The following ENTREP2 variants were observed in gnomAD, a reference collection of about 807,000 sequenced individuals.
ENTREP2 encodes the protein protein ENTREP2.
At chr15:29,571,256 G>A in the ENTREP2 span, among the ~76,000 whole-genome samples, 2 of 152,158 alleles carry the variant, frequency 1.3e-5, no homozygotes, top group Non-Finnish European at 1.5e-5. Context: ...GCGCATCAAG[G>A]GCAACGGCAT....
the ENTREP2 span, among the ~76,000 whole-genome samples, chr15:29,479,039 C>CA: frequency 0.069 from 7,062 of 102,094 alleles, 228 homozygotes; most frequent in Middle Eastern, 0.12. Context: ...CTAAAAAATA[C>CA]AAAAAAAAAA....
chr15:29,260,536 T>C, the ENTREP2 span, among the ~76,000 whole-genome samples: 3 of 152,110 alleles, frequency 2.0e-5, no homozygotes, highest in Non-Finnish European at 4.4e-5. Context: ...AAAAAGCACA[T>C]CATCATCTCA....
the ENTREP2 span, among the ~76,000 whole-genome samples, chr15:29,453,922 A>G: frequency 6.6e-6 from 1 of 152,230 alleles, no homozygotes; most frequent in African/African-American, 2.4e-5. Context: ...CCAATTTTCA[A>G]CTATGATAAG....
chr15:29,500,612 G>A, the ENTREP2 span, among the ~76,000 whole-genome samples: 5 of 151,994 alleles, frequency 3.3e-5, no homozygotes, highest in Non-Finnish European at 7.4e-5. Flanking sequence ...AATAAAAGCA[G>A]TGCTCAGAGG....
the ENTREP2 span, among the ~76,000 whole-genome samples, chr15:29,220,567 C>T: frequency 6.6e-6 from 1 of 152,244 alleles, no homozygotes; most frequent in East Asian, 1.9e-4. Context: ...TCTAATTGTG[C>T]TTTATCTGCT....
the ENTREP2 span, among the ~76,000 whole-genome samples, chr15:29,442,627 C>A: frequency 6.6e-6 from 1 of 152,190 alleles, no homozygotes; most frequent in African/African-American, 2.4e-5. Flanking sequence ...CATGCTGTCA[C>A]TTCCTCTCAT....
At chr15:29,589,719 C>T in the ENTREP2 span, among the ~76,000 whole-genome samples, 2 of 152,160 alleles carry the variant, frequency 1.3e-5, no homozygotes, top group Admixed American at 6.5e-5. Flanking sequence ...ACTTTGTCTG[C>T]GTCAGATTAG....
At chr15:29,653,455 C>G in the ENTREP2 span, among the ~76,000 whole-genome samples, 1 of 152,166 alleles carries the variant, frequency 6.6e-6, no homozygotes, top group Non-Finnish European at 1.5e-5. Flanking sequence ...TCCCCATAAT[C>G]CCCACACATC....
At chr15:29,489,866 G>C in the ENTREP2 span, among the ~76,000 whole-genome samples, 1 of 152,176 alleles carries the variant, frequency 6.6e-6, no homozygotes, top group Non-Finnish European at 1.5e-5. Context: ...TGCTGACACA[G>C]GTCTCGAGAT....
the ENTREP2 span, among the ~76,000 whole-genome samples, chr15:29,399,783 C>T: frequency 6.6e-6 from 1 of 151,896 alleles, no homozygotes; most frequent in Non-Finnish European, 1.5e-5. Flanking sequence ...TGTATTCTTA[C>T]AATAAAGAGA....
At chr15:29,185,138 A>C in the ENTREP2 span, among the ~76,000 whole-genome samples, 1 of 152,098 alleles carries the variant, frequency 6.6e-6, no homozygotes, top group Non-Finnish European at 1.5e-5. Context: ...GAATAATATA[A>C]TACCTTCCAG....
the ENTREP2 span, among the ~76,000 whole-genome samples, chr15:29,666,443 C>T: frequency 6.6e-6 from 1 of 151,964 alleles, no homozygotes; most frequent in African/African-American, 2.4e-5. Flanking sequence ...AGACTGCCAC[C>T]ATGGACAGTT....
the ENTREP2 span, among the ~76,000 whole-genome samples, chr15:29,224,127 T>G: frequency 6.6e-6 from 1 of 152,112 alleles, no homozygotes; most frequent in Non-Finnish European, 1.5e-5. Flanking sequence ...CACAGTTTCT[T>G]CCTTCTGGTG....
the ENTREP2 span, among the ~76,000 whole-genome samples, chr15:29,224,399 T>A: frequency 1.0e-3 from 156 of 152,248 alleles, no homozygotes; most frequent in Middle Eastern, 3.4e-3. Flanking sequence ...CTGCGCCGGG[T>A]TGCCACTGCT....
chr15:29,617,821 C>T, the ENTREP2 span, among the ~76,000 whole-genome samples: 2 of 152,176 alleles, frequency 1.3e-5, no homozygotes, highest in African/African-American at 4.8e-5. Flanking sequence ...CGGGGATGCC[C>T]GCTGAGCCTG....
At chr15:29,343,600 C>T in the ENTREP2 span, among the ~76,000 whole-genome samples, 3 of 152,094 alleles carry the variant, frequency 2.0e-5, no homozygotes, top group Admixed American at 2.0e-4. Context: ...CTCTCTTTCT[C>T]TCTCCCTCTC....
At chr15:29,546,882 A>G in the ENTREP2 span, among the ~76,000 whole-genome samples, 28 of 117,678 alleles carry the variant, frequency 2.4e-4, no homozygotes, top group African/African-American at 9.5e-4. Context: ...GCGAGACTCC[A>G]TCTCAAAAAA....
the ENTREP2 span, among the ~76,000 whole-genome samples, chr15:29,223,339 G>C: frequency 1.3e-5 from 2 of 152,130 alleles, no homozygotes; most frequent in Non-Finnish European, 2.9e-5. Context: ...AGTTTGTCTG[G>C]CTTGGCTCCC....
At chr15:29,511,241 G>A in the ENTREP2 span, among the ~76,000 whole-genome samples, 9 of 152,268 alleles carry the variant, frequency 5.9e-5, no homozygotes, top group African/African-American at 9.6e-5. Context: ...TGTGTTAAGC[G>A]GGTTTCCTGC....
Sources: gnomAD v4.1 joint callset for allele counts (sites outside exome capture counted in the v4.1 genomes callset) on GRCh38, gnomAD v4.1.1 for gene constraint, MANE v1.5 for transcripts, NCBI Gene and HGNC (gene_info 2026-07-23, HGNC 2026-07-21) for gene names.